The following PNPLA7 variants were observed in gnomAD, a reference collection of about 807,000 sequenced individuals.
The protein encoded by PNPLA7 is patatin like domain 7, lysophospholipase.
Under a neutral mutation model 161.7 loss-of-function variants are expected in PNPLA7, and 153 were observed. The observed-to-expected ratio is 0.95, with a 90% CI of 0.83 to 1.08. PNPLA7 has a LOEUF of 1.08. PNPLA7 is among the 50% of genes least tolerant of loss of function. The pLI is 0.00. For synonymous variants in PNPLA7, 809 were observed against 782.1 expected, an observed-to-expected ratio of 1.03 and a Z score of -0.57; for missense variants, 1,739 against 1,856.6, an observed-to-expected ratio of 0.94 and a Z score of 1.16.
intron 25 of PNPLA7, among the ~76,000 whole-genome samples, chr9:137,469,008 C>A (rs1203223958): frequency 6.6e-6 from 1 of 152,110 alleles, no homozygotes; most frequent in East Asian, 1.9e-4. Flanking sequence ...CGCACCATTG[C>A]ACTCCAGCCT....
At position 137,500,271 on chromosome 9, in the gene PNPLA7, G is replaced by C. The variant is rs535842953; in HGVS notation, c.1757+420C>G. Among the ~76,000 whole-genome samples, 3 of 152,340 alleles carry C rather than the reference G, an allele frequency of 2.0e-5. No homozygotes were observed. In the East Asian group the frequency reaches 5.8e-4, roughly 29 times the overall value. On this transcript the variant is annotated intron_variant, in intron 16 of 34. Transcript: ENST00000406427. The surrounding 1 kb of genome is among the most constrained non-coding windows in gnomAD (Gnocchi z 5.5). ...CCCACTGCCTTGCCCTTCCACCTCCGCATCACTGGCTCCCGACACGTCAGC... is the reference window on the plus strand; with the variant it reads ...CCCACTGCCTTGCCCTTCCACCTCCCCATCACTGGCTCCCGACACGTCAGC...
chr9:137,484,203 C>T (rs1832355950), intron 21 of PNPLA7, among the ~76,000 whole-genome samples: 1 of 152,172 alleles, frequency 6.6e-6, no homozygotes, highest in African/African-American at 2.4e-5. Context: ...CAAGCATGAG[C>T]CACCGCGCCC....
intron 8 of PNPLA7, among the ~76,000 whole-genome samples, chr9:137,530,814 G>C (rs1238927280): frequency 6.6e-6 from 1 of 151,968 alleles, no homozygotes; most frequent in African/African-American, 2.4e-5. Context: ...TGTAGACCAG[G>C]CTCACGGCTG....
chr9:137,460,786 G>T, intron 33 of PNPLA7, 49 bp from the exon 34 acceptor site: 1 of 1,534,544 alleles, frequency 6.5e-7, no homozygotes, highest in Non-Finnish European at 8.9e-7. Context: ...GGAAGGGACC[G>T]TACCCAGCAT....
chr9:137,543,470 G>A lies in PNPLA7; in HGVS notation c.468C>T (p.His156=), dbSNP rs1836324287. The A allele has an allele frequency of 1.2e-6, 2 of 1,614,130 alleles. No individual in the cohort carries two copies. The highest frequency in any genetic ancestry group is 1.7e-6 in the Non-Finnish European group (2 of 1,180,032). ...DLTEFDVKNS[H]LPSEVLYMLK... ...GCATGTACAGAACTTCCGATGGCAG[G>A]TGAGAATTCTTCACGTCAAACTCCG... The change falls in exon 6 of 35, where the codon CAC becomes CAT. Residue 156 remains histidine, a synonymous_variant. Transcript: ENST00000406427. This position sits in a 1 kb window ranked among gnomAD's most constrained non-coding sequence, Gnocchi z 6.9.
At chr9:137,504,414 G>A (rs1833802841) in intron 14 of PNPLA7, among the ~76,000 whole-genome samples, 1 of 152,222 alleles carries the variant, frequency 6.6e-6, no homozygotes, top group African/African-American at 2.4e-5. Flanking sequence ...GTTTCACCAT[G>A]TTGGTCAGGC....
chr9:137,501,032 C>A, intron 15 of PNPLA7, 136 bp from the exon 16 acceptor site: 1 of 694,756 alleles, frequency 1.4e-6, no homozygotes, highest in Non-Finnish European at 2.3e-6. Context: ...TGGGCATGGA[C>A]TTCACTGGAA....
chr9:137,520,565 G>T lies in PNPLA7; in HGVS notation c.958-522C>A, dbSNP rs1354378866. Among the ~76,000 whole-genome samples the T allele has an allele frequency of 6.6e-6, 1 of 152,228 alleles. No individual in the cohort carries two copies. Among genetic ancestry groups the T allele is most frequent in the African/African-American group, 2.4e-5 (1 of 41,442 alleles). The stretch of plus-strand genomic sequence containing the variant: ...ATGCACATACTAAAGACTAATGCGT[G>T]CTGGGCCTTTACTAACCGAGCTCCA... On this transcript the variant is annotated intron_variant, in intron 10 of 34. Transcript: ENST00000406427. This position sits in a 1 kb window ranked among gnomAD's most constrained non-coding sequence, Gnocchi z 5.2.
In PNPLA7 at chr9:137,499,739, G is replaced by GC. The variant is rs1354460290; in HGVS notation, c.1757+951dup. ...GGCTCGGGGTCCCCAGGCTGAAGCA[G>GC]CAACGGCGCGGTGCCATTTGCTGGA... On this transcript the variant is annotated intron_variant, in intron 16 of 34. Transcript: ENST00000406427. The surrounding 1 kb of genome is among the most constrained non-coding windows in gnomAD (Gnocchi z 5.5). Among the ~76,000 whole-genome samples, 1 of 152,250 alleles carries GC rather than the reference G, an allele frequency of 6.6e-6. No homozygotes were observed. Among genetic ancestry groups the GC allele is most frequent in the African/African-American group, 2.4e-5 (1 of 41,458 alleles).
intron 1 of PNPLA7, 49 bp downstream of exon 1, chr9:137,550,119 A>T (rs369515669): frequency 3.1e-6 from 5 of 1,610,444 alleles, no homozygotes; most frequent in South Asian, 1.1e-5. Context: ...GGGTCCAGAA[A>T]TGCCCCCCAA....
In PNPLA7 at chr9:137,523,491, T is replaced by C. The variant is rs985117416; in HGVS notation, c.748-634A>G. ...TGACGTGGTTTCCATCTTCTAGAAA[T>C]TGGTGGGCTCTAGAGAGAAAAGGCT... On this transcript the variant is annotated intron_variant, in intron 8 of 34. Coordinates refer to ENST00000406427, the MANE Select transcript of PNPLA7 (RefSeq NM_001098537.3). The surrounding 1 kb of genome is among the most constrained non-coding windows in gnomAD (Gnocchi z 4.4). 6.6e-6 allele frequency among the ~76,000 whole-genome samples: 1 copy of C among 152,150 alleles called. No individual in the cohort carries two copies. Among genetic ancestry groups the C allele is most frequent in the Non-Finnish European group, 1.5e-5 (1 of 68,020 alleles).
chr9:137,479,698 G>A, intron 23 of PNPLA7: 1 of 985,446 alleles, frequency 1.0e-6, no homozygotes, highest in Non-Finnish European at 1.2e-6. Flanking sequence ...CTGAAGGCAG[G>A]AAGCTGGAGA....
Position 137,540,458 on chromosome 9 carries a change from G to C in PNPLA7, c.747+184C>G, listed in dbSNP as rs372700498. On this transcript the variant is annotated intron_variant, in intron 8 of 34. Transcript: ENST00000406427. This position sits in a 1 kb window ranked among gnomAD's most constrained non-coding sequence, Gnocchi z 5.1. ...GCCACATGCCCGGCTATTCTTCAAC[G>C]CACTGTGGCCAGAATGAAGCTCCCT... Among the ~76,000 whole-genome samples, 39 of 152,330 alleles carry C rather than the reference G, an allele frequency of 2.6e-4. No homozygotes were observed. In the East Asian group the frequency reaches 7.3e-3, roughly 29 times the overall value.
At chr9:137,531,119 C>T (rs931815372) in intron 8 of PNPLA7, among the ~76,000 whole-genome samples, 33 of 152,128 alleles carry the variant, frequency 2.2e-4, no homozygotes, top group African/African-American at 7.7e-4. Flanking sequence ...CACCACACCA[C>T]AAGAAACACA....
Position 137,484,624 on chromosome 9 carries a change from G to A in PNPLA7, c.2310C>T (p.Ala770=), listed in dbSNP as rs1832376508. The A allele has an allele frequency of 6.2e-7, 1 of 1,612,110 alleles. No homozygotes were observed. Among genetic ancestry groups the A allele is most frequent in the Non-Finnish European group, 8.5e-7 (1 of 1,179,218 alleles). ...MPVSEEVPLT[A]FALELEHALS... ...GGGCATGCTCCAGCTCCAGGGCGAA[G>A]GCGGTGAGGGGCACTTCCTCTGACA... The change falls in exon 21 of 35, where the codon GCC becomes GCT. Residue 770 remains alanine (A), a synonymous_variant. Coordinates refer to ENST00000406427, the MANE Select transcript of PNPLA7 (RefSeq NM_001098537.3).
chr9:137,503,872 GAAGAAGA>G (rs1316514654), intron 14 of PNPLA7, among the ~76,000 whole-genome samples: 8 of 30,846 alleles, frequency 2.6e-4, no homozygotes, highest in Non-Finnish European at 6.1e-4. Flanking sequence ...GAGGAGGAAG[GAAGAAGA>G]AAGAAGAAGG....
intron 25 of PNPLA7, among the ~76,000 whole-genome samples, 188 bp downstream of exon 25, chr9:137,477,825 GGTGTCAGTGGGCACACCGCAT>G (rs1832011079): frequency 6.6e-6 from 1 of 152,218 alleles, no homozygotes; most frequent in African/African-American, 2.4e-5. Flanking sequence ...GGCCACTTTG[GGTGTCAGTGGGCACACCGCAT>G]GTGCCAGGGT....
intron 14 of PNPLA7, among the ~76,000 whole-genome samples, chr9:137,503,894 A>G (rs1268746299): frequency 9.6e-6 from 1 of 104,370 alleles, no homozygotes; most frequent in African/African-American, 3.6e-5. Context: ...AGAAGGAAGA[A>G]GAAGAAGGAA....
rs571573372 is a variant in PNPLA7, at chr9:137,472,438, G to A, written c.2883-4965C>T. 2.8e-3 allele frequency among the ~76,000 whole-genome samples: 423 copies of A among 151,674 alleles called. 9 individuals carry two copies. Among genetic ancestry groups the A allele is most frequent in the African/African-American group, 9.8e-3 (405 of 41,406 alleles). On this transcript the variant is annotated intron_variant, in intron 25 of 34. Transcript: ENST00000406427. ...GGCCGAGGTGGGCGGATCACTTGAG[G>A]TCAGGAGATCAAGACCAGCCTGGCC...
Sources: allele counts gnomAD v4.1 joint callset (sites outside exome capture counted in the v4.1 genomes callset), GRCh38; gene constraint gnomAD v4.1.1; non-coding constraint Gnocchi (gnomAD v3.1); transcripts MANE v1.5; gene names NCBI Gene and HGNC (gene_info 2026-07-23, HGNC 2026-07-21).